The following SLC8A1 variants were observed in gnomAD, a reference collection of about 807,000 sequenced individuals.
The protein encoded by SLC8A1 is sodium/calcium exchanger 1.
In SLC8A1, 18 loss-of-function variants were observed where a neutral mutation model predicts 68.3. That is an observed-to-expected ratio of 0.26 (90% CI 0.18 to 0.39). The LOEUF is 0.39. Among genes scored for constraint, SLC8A1 ranks in the 10% least tolerant of loss-of-function variants. SLC8A1 has a pLI of 1.00. For missense variants in SLC8A1, 985 were observed against 1,156.7 expected (o/e 0.85, Z 2.15); for synonymous variants, 475 against 415.5 (o/e 1.14, Z -1.74).
chr2:40,212,647 C>T (rs984454347), intron 2 of SLC8A1, among the ~76,000 whole-genome samples: 2 of 152,162 alleles, frequency 1.3e-5, no homozygotes, highest in African/African-American at 4.8e-5. Context: ...AAATCTGCTG[C>T]CTTCTGAAGG....
Position 40,257,424 on chromosome 2 carries a change from C to CT in SLC8A1, c.1809-79570dup, listed in dbSNP as rs560681453. On this transcript the variant is annotated intron_variant, in intron 2 of 7. Transcript: ENST00000406785. Reference sequence around the variant, plus strand: ...ATTATGGAAATTAGCTGTTTACCACCTTTTTTTTTTTTGACCTTTCCTTTT... The same window carrying CT: ...ATTATGGAAATTAGCTGTTTACCACCTTTTTTTTTTTTTGACCTTTCCTTTT... 3.4e-3 allele frequency among the ~76,000 whole-genome samples: 501 copies of CT among 145,292 alleles called. 3 individuals carry two copies. The highest frequency in any genetic ancestry group is 9.9e-3 in the African/African-American group (394 of 39,660).
chr2:40,388,038 G>T (rs1684138823), intron 2 of SLC8A1, among the ~76,000 whole-genome samples: 1 of 151,254 alleles, frequency 6.6e-6, no homozygotes. Flanking sequence ...ATCTCAAATT[G>T]GCATCTCTAA....
intron 6 of SLC8A1, among the ~76,000 whole-genome samples, chr2:40,151,268 CGTGT>C (rs3059326): frequency 4.6e-5 from 7 of 151,004 alleles, no homozygotes; most frequent in African/African-American, 9.7e-5. Context: ...GTGTATGGTG[CGTGT>C]GTGTGTGTGT....
chr2:40,424,241 A>T (rs1696276918), intron 2 of SLC8A1, among the ~76,000 whole-genome samples: 1 of 151,454 alleles, frequency 6.6e-6, no homozygotes, highest in Non-Finnish European at 1.5e-5. Flanking sequence ...ATCACTTCAA[A>T]TTTTCTTAAT....
At chr2:40,390,814 C>G (rs765716188) in intron 2 of SLC8A1, among the ~76,000 whole-genome samples, 10 of 152,088 alleles carry the variant, frequency 6.6e-5, no homozygotes, top group Non-Finnish European at 1.2e-4. Context: ...TCCAAGTGAG[C>G]TTAAGAAAAT....
chr2:40,238,478 G>A lies in SLC8A1; in HGVS notation c.1809-60623C>T, dbSNP rs201312154. Among the ~76,000 whole-genome samples the A allele has an allele frequency of 1.2e-4, 18 of 152,114 alleles. No individual in the cohort carries two copies. In the South Asian group the frequency reaches 2.3e-3, roughly 19 times the overall value. Reference sequence around the variant, plus strand: ...CTGCTTCGGCTCGCACACGGTGCGCGCACCCACTGACCTGTGCCCACTGTC... The same window carrying A: ...CTGCTTCGGCTCGCACACGGTGCGCACACCCACTGACCTGTGCCCACTGTC... On this transcript the variant is annotated intron_variant, in intron 2 of 7. Transcript: ENST00000406785.
chr2:40,221,246 T>A, intron 2 of SLC8A1, among the ~76,000 whole-genome samples: 1 of 152,256 alleles, frequency 6.6e-6, no homozygotes. Context: ...TCAATAAACA[T>A]AATACAACAC....
At chr2:40,428,671 G>C (rs771452307) in exon 2 of SLC8A1, 1 of 1,613,760 alleles carries the variant, frequency 6.2e-7, no homozygotes, top group East Asian at 2.2e-5. Flanking sequence ...AAAAATGCCT[G>C]CGTGGTCATC....
intron 1 of SLC8A1, among the ~76,000 whole-genome samples, chr2:40,443,304 G>C (rs996791499): frequency 5.9e-5 from 9 of 152,040 alleles, no homozygotes. Flanking sequence ...CGAATAAATG[G>C]CTATGGAAGT....
At chr2:40,167,842 T>G (rs2046804186) in intron 4 of SLC8A1, among the ~76,000 whole-genome samples, 8 of 152,172 alleles carry the variant, frequency 5.3e-5, no homozygotes, top group Admixed American at 6.6e-5. Flanking sequence ...TCATAGACTG[T>G]TTTTAAATTT....
chr2:40,335,687 C>A (rs1665737572), intron 2 of SLC8A1, among the ~76,000 whole-genome samples: 1 of 152,246 alleles, frequency 6.6e-6, no homozygotes, highest in African/African-American at 2.4e-5. Flanking sequence ...AGTCTAGGAA[C>A]AGCCCTTTGC....
intron 2 of SLC8A1, among the ~76,000 whole-genome samples, chr2:40,264,288 G>A (rs2065076089): frequency 1.3e-5 from 2 of 152,074 alleles, no homozygotes; most frequent in Admixed American, 6.6e-5. Context: ...GGAAGTCAGT[G>A]TGGCCATTCC....
chr2:40,494,640 AATATAT>A (rs34595267), intron 1 of SLC8A1, among the ~76,000 whole-genome samples: 1,709 of 92,442 alleles, frequency 0.018, 29 homozygotes, highest in African/African-American at 0.041. Flanking sequence ...CTTAAAGTAT[AATATAT>A]ATATATATAT....
At chr2:40,467,386 C>T (rs189606526) in intron 1 of SLC8A1, among the ~76,000 whole-genome samples, 1 of 152,102 alleles carries the variant, frequency 6.6e-6, no homozygotes, top group Non-Finnish European at 1.5e-5. Flanking sequence ...CCCTATAGAG[C>T]TACTTCTGAT....
chr2:40,480,070 C>G (rs1188232342), intron 1 of SLC8A1, among the ~76,000 whole-genome samples: 1 of 151,964 alleles, frequency 6.6e-6, no homozygotes. Flanking sequence ...AAACAGTGCA[C>G]GTTTATTGTT....
intron 2 of SLC8A1, among the ~76,000 whole-genome samples, chr2:40,205,202 T>C (rs1378747100): frequency 6.6e-6 from 1 of 152,000 alleles, no homozygotes; most frequent in Non-Finnish European, 1.5e-5. Flanking sequence ...CCATAAGGTA[T>C]ACCTATTTGA....
chr2:40,332,699 A>G (rs1262192769), intron 2 of SLC8A1, among the ~76,000 whole-genome samples: 3 of 152,188 alleles, frequency 2.0e-5, no homozygotes, highest in Non-Finnish European at 2.9e-5. Context: ...GGAATGTCAA[A>G]CCTGTTTAAA....
intron 2 of SLC8A1, among the ~76,000 whole-genome samples, chr2:40,259,116 G>A (rs534090545): frequency 3.9e-5 from 6 of 152,260 alleles, no homozygotes; most frequent in African/African-American, 1.2e-4. Context: ...AGTCTCCAAC[G>A]TAGATTTCTG....
chr2:40,488,208 G>C (rs1400872315), intron 1 of SLC8A1, among the ~76,000 whole-genome samples: 1 of 146,822 alleles, frequency 6.8e-6, no homozygotes, highest in East Asian at 2.0e-4. Context: ...CCACAAGGGG[G>C]ACACCTTCTG....
Sources: gnomAD v4.1 joint callset for allele counts (sites outside exome capture counted in the v4.1 genomes callset) on GRCh38, gnomAD v4.1.1 for gene constraint, MANE v1.5 for transcripts, NCBI Gene and HGNC (gene_info 2026-07-23, HGNC 2026-07-21) for gene names.